Variants in NTM observed in about 807,000 individuals in gnomAD.
The protein encoded by NTM is neurotrimin.
Under a neutral mutation model 42.1 loss-of-function variants are expected in NTM, and 13 were observed. That is an observed-to-expected ratio of 0.31 (90% CI 0.20 to 0.49). The LOEUF is 0.49. NTM is among the 20% of genes least tolerant of loss of function. The probability of loss-of-function intolerance (pLI) is 0.99; values close to 1 mark genes in which losing one functional copy is unlikely to be tolerated. For missense variants in NTM, 373 were observed against 452.8 expected, an observed-to-expected ratio of 0.82 and a Z score of 1.60; for synonymous variants, 187 against 179.2, an observed-to-expected ratio of 1.04 and a Z score of -0.35.
At chr11:131,589,755 C>T (rs1247959234) in intron 1 of NTM, among the ~76,000 whole-genome samples, 1 of 152,168 alleles carries the variant, frequency 6.6e-6, no homozygotes, top group African/African-American at 2.4e-5. Flanking sequence ...CAGGTCACTG[C>T]CTGGCCTCAC....
chr11:131,564,926 C>T (rs2056700568), intron 1 of NTM, among the ~76,000 whole-genome samples: 1 of 152,232 alleles, frequency 6.6e-6, no homozygotes, highest in South Asian at 2.1e-4. Context: ...TACGTCTGCC[C>T]ATGTGTGCAC....
intron 1 of NTM, among the ~76,000 whole-genome samples, chr11:131,414,917 A>G (rs1214521802): frequency 1.3e-5 from 2 of 152,158 alleles, no homozygotes; most frequent in Non-Finnish European, 2.9e-5. Flanking sequence ...TTTGGAAAGC[A>G]AATTGTGCAT....
At chr11:131,894,953 G>A (rs1453380366) in intron 1 of NTM, among the ~76,000 whole-genome samples, 2 of 152,178 alleles carry the variant, frequency 1.3e-5, no homozygotes, top group African/African-American at 4.8e-5. Flanking sequence ...TTGCTGTGAC[G>A]GATGGGTCTG....
chr11:132,317,888 C>T (rs946832432), intron 7 of NTM, among the ~76,000 whole-genome samples: 7 of 152,090 alleles, frequency 4.6e-5, no homozygotes, highest in African/African-American at 1.7e-4. Context: ...CTCTCACTCC[C>T]CCAGGAGGGC....
intron 2 of NTM, among the ~76,000 whole-genome samples, chr11:132,099,333 T>G (rs2061376802): frequency 6.6e-6 from 1 of 152,200 alleles, no homozygotes; most frequent in Non-Finnish European, 1.5e-5. Flanking sequence ...AATCCAGTGG[T>G]GGTCAAATAT....
At chr11:132,034,085 T>G (rs1164128285) in intron 2 of NTM, among the ~76,000 whole-genome samples, 4 of 152,312 alleles carry the variant, frequency 2.6e-5, no homozygotes, top group Admixed American at 6.5e-5. Context: ...ATACATGACT[T>G]TCTTAAACCT....
chr11:132,197,745 G>A (rs976436955), intron 3 of NTM, among the ~76,000 whole-genome samples: 10 of 149,164 alleles, frequency 6.7e-5, no homozygotes, highest in South Asian at 2.1e-4. Flanking sequence ...GAGAACATGC[G>A]GTGTTTGCTT....
In NTM at chr11:132,198,649, C is replaced by T. The variant is rs1023544428; in HGVS notation, c.401-13373C>T. 2.0e-5 allele frequency among the ~76,000 whole-genome samples: 3 copies of T among 152,094 alleles called. No homozygotes were observed. The East Asian group carries it at 5.8e-4, about 29-fold the overall frequency. ...TTGGAGCCTGAGTCTACTTGGCTCCCGAGTCTGAGTTCTTGGCTATGGTCA... is the reference window on the plus strand; with the variant it reads ...TTGGAGCCTGAGTCTACTTGGCTCCTGAGTCTGAGTTCTTGGCTATGGTCA... On this transcript the variant is annotated intron_variant, in intron 3 of 8. Transcript: ENST00000683400.
In NTM at chr11:132,308,693, G is replaced by GTCTT. The variant is rs532453646; in HGVS notation, c.661+873_661+876dup. ...GATACTGTATCTAGGAGAATATCCA[G>GTCTT]TCTTTCAGATTTAGGTTTGTGTTAC... On this transcript the variant is annotated intron_variant, in intron 5 of 8. Transcript: ENST00000683400. Among the ~76,000 whole-genome samples, 85 of 152,154 alleles carry GTCTT rather than the reference G, an allele frequency of 5.6e-4. 1 individual carries two copies. The South Asian group carries it at 0.015, about 26-fold the overall frequency.
intron 1 of NTM, among the ~76,000 whole-genome samples, chr11:131,431,964 G>A (rs527928099): frequency 1.2e-4 from 18 of 152,180 alleles, no homozygotes; most frequent in African/African-American, 4.1e-4. Context: ...ATGATAAAAG[G>A]TATAAAAGAA....
intron 1 of NTM, among the ~76,000 whole-genome samples, chr11:131,742,474 A>G (rs758150219): frequency 3.3e-5 from 5 of 152,178 alleles, no homozygotes; most frequent in Admixed American, 3.3e-4. Flanking sequence ...ACAGATAAAA[A>G]GCATACAAAT....
intron 1 of NTM, among the ~76,000 whole-genome samples, chr11:131,865,303 G>A (rs1565645896): frequency 1.3e-5 from 2 of 152,184 alleles, no homozygotes. Context: ...ACAAAATTCA[G>A]AGTATACAGT....
intron 2 of NTM, among the ~76,000 whole-genome samples, chr11:132,079,196 T>C (rs2058724008): frequency 6.6e-6 from 1 of 152,176 alleles, no homozygotes; most frequent in African/African-American, 2.4e-5. Flanking sequence ...AAAATAATGA[T>C]ACTAATCAGT....
intron 1 of NTM, among the ~76,000 whole-genome samples, chr11:131,462,075 C>T (rs1295443290): frequency 2.6e-5 from 4 of 152,142 alleles, no homozygotes; most frequent in Admixed American, 2.6e-4. Flanking sequence ...CACCACACAG[C>T]AAAATACTAC....
chr11:132,249,185 A>G (rs1211575892), intron 4 of NTM, among the ~76,000 whole-genome samples: 1 of 152,218 alleles, frequency 6.6e-6, no homozygotes, highest in East Asian at 1.9e-4. Flanking sequence ...CATATTCTAA[A>G]TGAGCTTCAT....
intron 1 of NTM, among the ~76,000 whole-genome samples, chr11:131,652,765 T>G (rs1324992010): frequency 6.6e-6 from 1 of 152,164 alleles, no homozygotes; most frequent in Non-Finnish European, 1.5e-5. Context: ...CCAATGAGAA[T>G]AGACACAATA....
intron 1 of NTM, among the ~76,000 whole-genome samples, chr11:131,540,166 T>G (rs1282966150): frequency 1.6e-5 from 2 of 126,210 alleles, no homozygotes; most frequent in African/African-American, 3.8e-5. Context: ...TTTTTTTTTT[T>G]TTTTTTTTTT....
chr11:132,122,507 A>G (rs75002150), intron 2 of NTM, among the ~76,000 whole-genome samples: 1 of 152,202 alleles, frequency 6.6e-6, no homozygotes, highest in Non-Finnish European at 1.5e-5. Flanking sequence ...GAGTTTTTTA[A>G]GGATGCCTGA....
intron 4 of NTM, among the ~76,000 whole-genome samples, chr11:132,244,863 G>A (rs2090839248): frequency 6.6e-6 from 1 of 152,210 alleles, no homozygotes; most frequent in Non-Finnish European, 1.5e-5. Context: ...GCTAGCTGAA[G>A]TGCCTTCTAT....
Sources: gnomAD v4.1 joint callset for allele counts (sites outside exome capture counted in the v4.1 genomes callset) on GRCh38, gnomAD v4.1.1 for gene constraint, MANE v1.5 for transcripts, NCBI Gene and HGNC (gene_info 2026-07-23, HGNC 2026-07-21) for gene names.